The following KRT33A variants were observed in gnomAD, a reference collection of about 807,000 sequenced individuals.
KRT33A encodes the protein keratin, type I cuticular Ha3-I.
A neutral mutation model predicts 41.1 loss-of-function variants in KRT33A; 44 were observed. That is an observed-to-expected ratio of 1.07 (90% confidence interval 0.84 to 1.38). The LOEUF is 1.38. Among genes scored for constraint, KRT33A ranks in the 40% most tolerant of loss-of-function variants. The pLI, the probability that KRT33A is intolerant of heterozygous loss-of-function variation, is 0.00. For missense variants in KRT33A, 536 were observed against 518.5 expected (o/e 1.03, Z -0.33); for synonymous variants, 229 against 227.8 (o/e 1.01, Z -0.05).
chr17:41,348,722 C>G (rs996526727), intron 2 of KRT33A, 83 bp from the exon 3 acceptor site: 2 of 1,449,700 alleles, frequency 1.4e-6, no homozygotes, highest in African/African-American at 2.8e-5. Flanking sequence ...AGTCAGGCAA[C>G]TAGGAATTAG....
Position 41,346,143 on chromosome 17 carries a change from C to T in KRT33A, c.1191G>A (p.Gly397=). The T allele has an allele frequency of 1.9e-6, 3 of 1,613,926 alleles. No individual in the cohort carries two copies. Among genetic ancestry groups the T allele is most frequent in the Non-Finnish European group, 2.5e-6 (3 of 1,179,832 alleles). ...TCTAGTACCCAAATGTGTTGCAAGG[C>T]CCACACCGAGCACGTAGGCCACAGG... ...SNPCGLRARC[G]PCNTFGY Residue 397 remains glycine, a synonymous_variant, in exon 7 of 7, where the codon GGG becomes GGA. Coordinates refer to ENST00000007735, the MANE Select transcript of KRT33A (RefSeq NM_004138.4).
intron 2 of KRT33A, 118 bp from the exon 3 acceptor site, chr17:41,348,757 CT>C (rs1421187816): frequency 3.0e-5 from 33 of 1,100,668 alleles, no homozygotes; most frequent in Non-Finnish European, 4.2e-5. Context: ...ATAGCCATCT[CT>C]TTTGTTTAGG....
chr17:41,346,933 C>A lies in KRT33A; in HGVS notation c.787G>T (p.Glu263Ter). ...TCCGCCTGGTAGGACTGCAGCTGCT[C>A]CGAGCTGGATACCACCTGCTTGTTC... is the stretch of plus-strand genomic sequence containing the variant. ...ELNKQVVSSSEQLQSYQAEII... is the reference protein window; with the variant it reads ...ELNKQVVSSS Residue 263 changes from glutamate (E) to a stop codon, truncating the protein, a stop_gained, in exon 5 of 7, where the codon GAG becomes TAG. Coordinates refer to ENST00000007735, the MANE Select transcript of KRT33A (RefSeq NM_004138.4). LOFTEE classifies it high-confidence loss of function. 1 of 1,613,422 alleles carries A rather than the reference C, an allele frequency of 6.2e-7. No individual in the cohort carries two copies. The highest frequency in any genetic ancestry group is 8.5e-7 in the Non-Finnish European group (1 of 1,180,020).
chr17:41,348,099 G>A (rs1272199026), intron 3 of KRT33A, among the ~76,000 whole-genome samples: 1 of 152,226 alleles, frequency 6.6e-6, no homozygotes, highest in East Asian at 1.9e-4. Context: ...GAAGAGAATT[G>A]CATTTTGTTC....
At chr17:41,346,330 C>A in intron 6 of KRT33A, 94 bp from the exon 7 acceptor site, 1 of 1,573,690 alleles carries the variant, frequency 6.4e-7, no homozygotes, top group South Asian at 1.1e-5. Context: ...TATTGTTCCT[C>A]CTTGGACTTC....
At chr17:41,347,001 C>A (rs2017433899) in intron 4 of KRT33A, 32 bp from the exon 5 acceptor site, 4 of 1,612,420 alleles carry the variant, frequency 2.5e-6, no homozygotes. Context: ...AGGATCAGAC[C>A]CTGCCTCCGG....
chr17:41,350,492 T>G lies in KRT33A; in HGVS notation c.276A>C (p.Ser92=), dbSNP rs771056498. Residue 92 remains serine (S), a synonymous_variant, in exon 1 of 7, where the codon TCA becomes TCC. Transcript: ENST00000007735. ...CACACACCAAGGGCTCCTGCTGCTG[T>G]GACCGCTCCCGGATGAGGTTCTCCA... ...AELENLIRER[S]QQQEPLVCAS... The G allele has an allele frequency of 2.5e-6, 4 of 1,614,148 alleles. No homozygotes were observed. The highest frequency in any genetic ancestry group is 3.4e-6 in the Non-Finnish European group (4 of 1,180,028).
At chr17:41,346,368 T>C in intron 6 of KRT33A, 80 bp downstream of exon 6, 3 of 1,594,116 alleles carry the variant, frequency 1.9e-6, no homozygotes, top group Non-Finnish European at 1.7e-6. Context: ...AAATTATAAA[T>C]TCATTTCCAT....
intron 3 of KRT33A, 151 bp from the exon 4 acceptor site, chr17:41,347,373 A>G (rs965018613): frequency 7.4e-6 from 7 of 950,738 alleles, no homozygotes; most frequent in Non-Finnish European, 1.0e-5. Context: ...TTCAATGACT[A>G]ATTTGTATAC....
intron 1 of KRT33A, among the ~76,000 whole-genome samples, chr17:41,350,064 A>C (rs953660870): frequency 1.3e-5 from 2 of 152,148 alleles, no homozygotes; most frequent in African/African-American, 4.8e-5. Flanking sequence ...GGAGAAAGAA[A>C]ATGGCCCAGT....
In KRT33A at chr17:41,349,408, C is replaced by G. The variant is rs750471960; in HGVS notation, c.369G>C (p.Glu123Asp). 4 of 1,613,958 alleles carry G rather than the reference C, an allele frequency of 2.5e-6. No homozygotes were observed. The highest frequency in any genetic ancestry group is 2.7e-5 in the African/African-American group (2 of 74,882). ...LQQKILCSKSENARLVVQIDN... is the reference protein window; with the variant it reads ...LQQKILCSKSDNARLVVQIDN... ...CGATCTGCACCACAAGCCTGGCATT[C>G]TCAGACTTGCTGCACAGGATCTAGA... Residue 123 changes from glutamate (E) to aspartate (D), a missense_variant, in exon 2 of 7, where the codon GAG becomes GAC. Glu to Asp is a conservative substitution (Grantham distance 45). Transcript: ENST00000007735.
intron 6 of KRT33A, 102 bp downstream of exon 6, chr17:41,346,346 A>G (rs2017416057): frequency 1.3e-6 from 2 of 1,589,550 alleles, no homozygotes; most frequent in Non-Finnish European, 1.7e-6. Context: ...ACTTCCTCCA[A>G]ACAAAAGCTT....
At chr17:41,346,317 G>A (rs748249944) in intron 6 of KRT33A, 81 bp from the exon 7 acceptor site, 229 of 1,572,030 alleles carry the variant, frequency 1.5e-4, no homozygotes, top group Non-Finnish European at 1.9e-4. Context: ...CTTTGTGTAA[G>A]AATATTGTTC....
intron 3 of KRT33A, 109 bp downstream of exon 3, chr17:41,348,368 TGCAGAA>T: frequency 5.6e-6 from 6 of 1,064,318 alleles, no homozygotes; most frequent in Middle Eastern, 3.1e-4. Flanking sequence ...CCTTTTTGTA[TGCAGAA>T]TTACTTCCTC....
rs2017459645 is a variant in KRT33A at position 41,348,640 on chromosome 17, C to A, written c.432-1G>T. On this transcript the variant is annotated splice_acceptor_variant, in intron 2 of 6. Transcript: ENST00000007735. LOFTEE classifies it high-confidence loss of function. The stretch of plus-strand genomic sequence containing the variant: ...CCGCAGGGACAGCTCGGTCTCATAT[C>A]TGTGATCACAGGAGGGTCAGGAACA... 5.6e-6 allele frequency: 9 copies of A among 1,614,032 alleles called. No individual in the cohort carries two copies. The highest frequency in any genetic ancestry group is 7.6e-6 in the Non-Finnish European group (9 of 1,179,948).
At position 41,348,510 on chromosome 17, in the gene KRT33A, C is replaced by A. The variant is rs200466907; in HGVS notation, c.561G>T (p.Leu187=). 4 of 1,613,988 alleles carry A rather than the reference C, an allele frequency of 2.5e-6. No individual in the cohort carries two copies. The highest frequency in any genetic ancestry group is 3.4e-6 in the Non-Finnish European group (4 of 1,180,032). Residue 187 remains leucine (L), a synonymous_variant, in exon 3 of 7, where the codon CTG becomes CTT. Coordinates refer to ENST00000007735, the MANE Select transcript of KRT33A (RefSeq NM_004138.4). ...EAQVESLKEE[L]LCLKQNHEQE... Reference sequence around the variant, plus strand: ...GCTCATGGTTCTGCTTGAGGCACAGCAGCTCCTCCTTCAGGGACTCCACCT... The same window carrying A: ...GCTCATGGTTCTGCTTGAGGCACAGAAGCTCCTCCTTCAGGGACTCCACCT...
At position 41,346,804 on chromosome 17, in the gene KRT33A, A is replaced by G. The variant is rs781131873; in HGVS notation, c.876+40T>C. 1.2e-5 allele frequency: 19 copies of G among 1,609,848 alleles called. No homozygotes were observed. The South Asian group carries it at 2.1e-4, about 18-fold the overall frequency. On this transcript the variant is annotated intron_variant, in intron 5 of 6. Coordinates refer to ENST00000007735, the MANE Select transcript of KRT33A (RefSeq NM_004138.4). ...GGGCATCCCCAAGACTCTGCCTCCC[A>G]AGTTCCCATCGCTCACCAGCAGGTC...
rs1187140098 is a variant in KRT33A at position 41,346,187 on chromosome 17, C to A, written c.1147G>T (p.Gly383Trp). Residue 383 changes from glycine to tryptophan, a missense_variant, in exon 7 of 7, where the codon GGG becomes TGG. Coordinates refer to ENST00000007735, the MANE Select transcript of KRT33A (RefSeq NM_004138.4). ...ATTNACDKST[G>W]PCISNPCGLR... Reference sequence around the variant, plus strand: ...CCACAGGGATTAGAGATACAGGGCCCAGTGGACTTGTCACATGCATTGGTT... The same window carrying A: ...CCACAGGGATTAGAGATACAGGGCCAAGTGGACTTGTCACATGCATTGGTT... 1.9e-6 allele frequency: 3 copies of A among 1,613,996 alleles called. No individual in the cohort carries two copies. Among genetic ancestry groups the A allele is most frequent in the Non-Finnish European group, 2.5e-6 (3 of 1,180,030 alleles).
rs200078414 is a variant in KRT33A, at chr17:41,346,559, C to A, written c.986G>T (p.Arg329Leu). The change falls in exon 6 of 7, where the codon CGC (arginine) becomes CTC (leucine). Residue 329 changes from arginine to leucine, a missense_variant. Transcript: ENST00000007735. ...TNVESQLAEIRSDLERQNQEY... is the reference protein window; with the variant it reads ...TNVESQLAEILSDLERQNQEY... ...CTGGTTCTGCCGCTCCAGGTCACTG[C>A]GGATCTCCGCCAGCTGGGACTCCAC... 87 of 1,614,104 alleles carry A rather than the reference C, an allele frequency of 5.4e-5. No homozygotes were observed. The highest frequency in any genetic ancestry group is 7.1e-5 in the Non-Finnish European group (84 of 1,180,050).
Sources: gnomAD v4.1 joint callset for allele counts (sites outside exome capture counted in the v4.1 genomes callset) on GRCh38, gnomAD v4.1.1 for gene constraint, MANE v1.5 for transcripts, NCBI Gene and HGNC (gene_info 2026-07-23, HGNC 2026-07-21) for gene names.